Variants in RALGAPB observed in about 807,000 individuals in gnomAD.
The protein encoded by RALGAPB is ral GTPase-activating protein subunit beta.
RALGAPB carries 25 observed loss-of-function variants against 161.1 expected under a neutral mutation model. The ratio of observed to expected loss-of-function variants is 0.16; its 90% CI spans 0.11 to 0.22. The LOEUF (loss-of-function observed/expected upper bound fraction) is 0.22. Ranked by LOEUF, RALGAPB falls within the 10% of genes least tolerant of loss-of-function variation. The pLI is 1.00. For missense variants in RALGAPB, 1,391 were observed against 1,815.2 expected (o/e 0.77, Z 4.25); for synonymous variants, 629 against 626.1 (o/e 1.00, Z -0.07).
At position 38,577,726 on chromosome 20, in the gene RALGAPB, C is replaced by CACAT. The variant is rs1555887780; in HGVS notation, c.*2762_*2763insTACA. 1.3e-5 allele frequency: 2 copies of CACAT among 152,910 alleles called. No homozygotes were observed. The highest frequency in any genetic ancestry group is 2.9e-5 in the Non-Finnish European group (2 of 68,822). The allele number at this position is 152,910 out of a possible 1,614,324, so 9.5% of individuals were successfully genotyped here. A position where few individuals can be genotyped will look rare whatever the true frequency, so the allele number is the denominator to read the frequency against. ...ACACACACACACACACACACACACA[C>CACAT]ACACACTCGCATACTCATGCACATT... is the stretch of plus-strand genomic sequence containing the variant. On this transcript the variant is annotated 3_prime_UTR_variant, in exon 30 of 30. Transcript: ENST00000262879.
At chr20:38,521,059 G>A (rs2086274852) in intron 9 of RALGAPB, among the ~76,000 whole-genome samples, 1 of 152,250 alleles carries the variant, frequency 6.6e-6, no homozygotes, top group Middle Eastern at 3.4e-3. Flanking sequence ...CTGGCATAGG[G>A]TTGCCCATTT....
Position 38,483,339 on chromosome 20 carries a change from A to G in RALGAPB, c.-30-5064A>G, listed in dbSNP as rs190135516. On this transcript the variant is annotated intron_variant, in intron 1 of 29. Coordinates refer to ENST00000262879, the MANE Select transcript of RALGAPB (RefSeq NM_020336.4). ...CACTGGCTCTTAACCACTCTCATCT[A>G]TGTTTTTATGCTTCTCTGTAATCTC... Among the ~76,000 whole-genome samples the G allele has an allele frequency of 2.2e-4, 34 of 152,296 alleles. 1 individual carries two copies. Among genetic ancestry groups the G allele is most frequent in the Admixed American group, 1.6e-3 (24 of 15,292 alleles).
At chr20:38,495,601 A>C (rs1323842559) in intron 3 of RALGAPB, among the ~76,000 whole-genome samples, 1 of 152,222 alleles carries the variant, frequency 6.6e-6, no homozygotes, top group East Asian at 1.9e-4. Context: ...ATTTACAATA[A>C]AAGATGGCAG....
At chr20:38,507,707 T>A (rs1296204050) in intron 5 of RALGAPB, among the ~76,000 whole-genome samples, 1 of 150,776 alleles carries the variant, frequency 6.6e-6, no homozygotes, top group Non-Finnish European at 1.5e-5. Context: ...TTGTTTTTCT[T>A]TTTTTTTTGA....
intron 1 of RALGAPB, among the ~76,000 whole-genome samples, chr20:38,475,661 C>T (rs1019897052): frequency 4.0e-5 from 6 of 149,752 alleles, no homozygotes; most frequent in Admixed American, 1.3e-4. Flanking sequence ...GTCCCCCAGG[C>T]TGGAGTGTAG....
intron 5 of RALGAPB, 41 bp downstream of exon 5, chr20:38,499,674 A>G: frequency 6.5e-7 from 1 of 1,549,646 alleles, no homozygotes. Context: ...CACCTGTCTG[A>G]CCTTAGGCAG....
chr20:38,532,503 C>G (rs1439035749), intron 14 of RALGAPB, among the ~76,000 whole-genome samples: 1 of 152,148 alleles, frequency 6.6e-6, no homozygotes, highest in African/African-American at 2.4e-5. Context: ...GCAAAGAAGA[C>G]CCCAGTATGG....
rs1457739445 is a variant in RALGAPB at position 38,541,188 on chromosome 20, A to G, written c.2710A>G (p.Thr904Ala). The change falls in exon 18 of 30, where the codon ACA becomes GCA. Residue 904 changes from threonine (T) to alanine (A), a missense_variant. Thr to Ala is a moderately conservative substitution (Grantham distance 58). Coordinates refer to ENST00000262879, the MANE Select transcript of RALGAPB (RefSeq NM_020336.4). ...RVKDAAEATL[T>A]CIMQLLGAFP... ...AAAGGATGCTGCTGAAGCCACCCTAACATGGTATGGAAGTGACCGCACAGG... is the reference window on the plus strand; with the variant it reads ...AAAGGATGCTGCTGAAGCCACCCTAGCATGGTATGGAAGTGACCGCACAGG... 1 of 1,613,978 alleles carries G rather than the reference A, an allele frequency of 6.2e-7. No homozygotes were observed. The highest frequency in any genetic ancestry group is 1.7e-5 in the Admixed American group (1 of 60,008).
Position 38,532,486 on chromosome 20 carries a change from A to G in RALGAPB, c.2116-244A>G, listed in dbSNP as rs138321333. Among the ~76,000 whole-genome samples the G allele has an allele frequency of 1.4e-3, 208 of 152,308 alleles. 1 individual carries two copies. The highest frequency in any genetic ancestry group is 4.8e-3 in the African/African-American group (200 of 41,560). On this transcript the variant is annotated intron_variant, in intron 14 of 29. Coordinates refer to ENST00000262879, the MANE Select transcript of RALGAPB (RefSeq NM_020336.4). The stretch of plus-strand genomic sequence containing the variant: ...GAAAAAGCTGGGCCAGCCCTTTGTA[A>G]ATAGTGGCAAAGAAGACCCCAGTAT...
At chr20:38,516,435 C>G in intron 7 of RALGAPB, 65 bp downstream of exon 7, 2 of 1,362,130 alleles carry the variant, frequency 1.5e-6, no homozygotes, top group Non-Finnish European at 2.0e-6. Flanking sequence ...GAGGCTAACC[C>G]TAGGAGTTAT....
Position 38,574,793 on chromosome 20 carries a change from T to C in RALGAPB, c.4311T>C (p.Thr1437=), listed in dbSNP as rs1187114685. The C allele has an allele frequency of 6.2e-7, 1 of 1,613,970 alleles. No individual in the cohort carries two copies. Among genetic ancestry groups the C allele is most frequent in the South Asian group, 1.1e-5 (1 of 91,080 alleles). The part of the protein sequence containing the change: ...RRALGFLVRQ[T]VINICRRKRL... ...TTCAAGGCTTTCTGGTGAGGCAGAC[T>C]GTAATTAACATTTGTAGAAGAAAGA... Residue 1437 remains threonine (T), a synonymous_variant, in exon 30 of 30, where the codon ACT becomes ACC. Coordinates refer to ENST00000262879, the MANE Select transcript of RALGAPB (RefSeq NM_020336.4).
intron 13 of RALGAPB, among the ~76,000 whole-genome samples, chr20:38,529,529 AT>A (rs1431772254): frequency 6.6e-6 from 1 of 151,586 alleles, no homozygotes; most frequent in East Asian, 1.9e-4. Context: ...AAAAAAAAAA[AT>A]AAAATAAAAA....
At chr20:38,536,064 A>C (rs1012098893) in intron 16 of RALGAPB, among the ~76,000 whole-genome samples, 12 of 152,344 alleles carry the variant, frequency 7.9e-5, no homozygotes, top group African/African-American at 2.9e-4. Context: ...AATGTTGAGC[A>C]ACTTCTACTT....
At chr20:38,497,111 C>T (rs1477999686) in intron 3 of RALGAPB, among the ~76,000 whole-genome samples, 2 of 152,148 alleles carry the variant, frequency 1.3e-5, no homozygotes, top group African/African-American at 4.8e-5. Context: ...TTCTAGTATT[C>T]CCGCCTTCCT....
chr20:38,497,718 T>A (rs569240309), intron 4 of RALGAPB, among the ~76,000 whole-genome samples: 2 of 152,302 alleles, frequency 1.3e-5, no homozygotes, highest in Admixed American at 6.5e-5. Context: ...AGTCATGATT[T>A]TGCTAATGTA....
rs141077917 is a variant in RALGAPB, at chr20:38,483,316, C to G, written c.-30-5087C>G. On this transcript the variant is annotated intron_variant, in intron 1 of 29. Coordinates refer to ENST00000262879, the MANE Select transcript of RALGAPB (RefSeq NM_020336.4). ...ATCTATGAAGCCTAGTTCCAGAGCA[C>G]TGGCTCTTAACCACTCTCATCTATG... Among the ~76,000 whole-genome samples, 496 of 152,346 alleles carry G rather than the reference C, an allele frequency of 3.3e-3. 5 individuals carry two copies. Among genetic ancestry groups the G allele is most frequent in the African/African-American group, 0.011 (477 of 41,572 alleles).
intron 5 of RALGAPB, among the ~76,000 whole-genome samples, chr20:38,508,134 C>T (rs996787437): frequency 1.3e-5 from 2 of 150,802 alleles, no homozygotes; most frequent in Non-Finnish European, 3.0e-5. Flanking sequence ...AGTATAATTA[C>T]ATATATAAAT....
intron 3 of RALGAPB, among the ~76,000 whole-genome samples, chr20:38,495,589 C>CT (rs986606913): frequency 1.1e-4 from 17 of 152,162 alleles, no homozygotes; most frequent in African/African-American, 4.1e-4. Context: ...TTTGTAAACT[C>CT]TATTTACAAT....
At chr20:38,553,492 C>G (rs1363717864) in intron 21 of RALGAPB, among the ~76,000 whole-genome samples, 1 of 152,118 alleles carries the variant, frequency 6.6e-6, no homozygotes, top group East Asian at 1.9e-4. Context: ...CATGAAGGAG[C>G]AATTGTTGAA....
Sources: allele counts gnomAD v4.1 joint callset (sites outside exome capture counted in the v4.1 genomes callset), GRCh38; gene constraint gnomAD v4.1.1; transcripts MANE v1.5; gene names NCBI Gene and HGNC (gene_info 2026-07-23, HGNC 2026-07-21).